UBXN7: variants seen among roughly 807,000 people sequenced by gnomAD.
The protein encoded by UBXN7 is UBX domain-containing protein 7.
A neutral mutation model predicts 58.0 loss-of-function variants in UBXN7; 9 were observed. That is an observed-to-expected ratio of 0.16 (90% CI 0.09 to 0.27). UBXN7 has a LOEUF of 0.27. Among genes scored for constraint, UBXN7 ranks in the 10% least tolerant of loss-of-function variants. The pLI, the probability that UBXN7 is intolerant of heterozygous loss-of-function variation, is 1.00. For missense variants in UBXN7, 328 were observed against 599.6 expected, an observed-to-expected ratio of 0.55 and a Z score of 4.73; for synonymous variants, 208 against 205.0, an observed-to-expected ratio of 1.01 and a Z score of -0.12.
chr3:196,370,857 C>CAAA (rs11347018), intron 6 of UBXN7, among the ~76,000 whole-genome samples: 20 of 86,192 alleles, frequency 2.3e-4, no homozygotes, highest in African/African-American at 2.8e-4. Context: ...CCCATCTCTA[C>CAAA]AAAAAAAAAA....
intron 8 of UBXN7, among the ~76,000 whole-genome samples, chr3:196,367,205 C>G (rs992543466): frequency 6.6e-5 from 10 of 150,918 alleles, no homozygotes; most frequent in African/African-American, 2.4e-4. Context: ...AAAAAAAAAC[C>G]AACAAAACAA....
At chr3:196,389,808 A>G (rs1385001176) in intron 5 of UBXN7, among the ~76,000 whole-genome samples, 1 of 152,262 alleles carries the variant, frequency 6.6e-6, no homozygotes. Context: ...ACACAAGCTT[A>G]CATTGAAATT....
intron 10 of UBXN7, among the ~76,000 whole-genome samples, chr3:196,359,694 C>T (rs1728453450): frequency 6.6e-6 from 1 of 152,112 alleles, no homozygotes; most frequent in African/African-American, 2.4e-5. Flanking sequence ...CACCTGAGGT[C>T]AGGAGTTCGA....
intron 1 of UBXN7, among the ~76,000 whole-genome samples, chr3:196,409,704 C>A (rs1730264422): frequency 6.6e-6 from 1 of 152,108 alleles, no homozygotes; most frequent in African/African-American, 2.4e-5. Context: ...ATCCCCTCCC[C>A]ACTGCCAAGG....
chr3:196,362,283 A>G lies in UBXN7; in HGVS notation c.1228+11T>C. The G allele has an allele frequency of 6.3e-7, 1 of 1,579,772 alleles. No homozygotes were observed. The highest frequency in any genetic ancestry group is 8.6e-7 in the Non-Finnish European group (1 of 1,165,736). ...TAAGTTTGAAGTAAAGTATGTCTAA[A>G]TGTAACTTACCATTTACATCTATCC... On this transcript the variant is annotated intron_variant, in intron 9 of 10. Coordinates refer to ENST00000296328, the MANE Select transcript of UBXN7 (RefSeq NM_015562.2).
intron 1 of UBXN7, among the ~76,000 whole-genome samples, chr3:196,427,338 G>C (rs1577483487): frequency 6.6e-6 from 1 of 152,186 alleles, no homozygotes; most frequent in African/African-American, 2.4e-5. Flanking sequence ...TAAAATTGGA[G>C]ACAGAGTCTC....
At chr3:196,411,957 G>A (rs1260320065) in intron 1 of UBXN7, among the ~76,000 whole-genome samples, 3 of 152,050 alleles carry the variant, frequency 2.0e-5, no homozygotes, top group Non-Finnish European at 4.4e-5. Context: ...GGCCAGGTGC[G>A]GTGGCTCATG....
chr3:196,417,829 G>A (rs1730549807), intron 1 of UBXN7, among the ~76,000 whole-genome samples: 1 of 151,118 alleles, frequency 6.6e-6, no homozygotes, highest in African/African-American at 2.4e-5. Context: ...GGAGGCTGAG[G>A]TGGAAGGATT....
At position 196,414,284 on chromosome 3, in the gene UBXN7, C is replaced by T. The variant is rs186705262; in HGVS notation, c.74-6891G>A. ...ATTTACAGGCATACGCCACTGCACCCGGCCTTTTCCCTGAATATTTTCAAT... is the reference window on the plus strand; with the variant it reads ...ATTTACAGGCATACGCCACTGCACCTGGCCTTTTCCCTGAATATTTTCAAT... On this transcript the variant is annotated intron_variant, in intron 1 of 10. Coordinates refer to ENST00000296328, the MANE Select transcript of UBXN7 (RefSeq NM_015562.2). Among the ~76,000 whole-genome samples, 537 of 152,260 alleles carry T rather than the reference C, an allele frequency of 3.5e-3. 1 individual carries two copies. Among genetic ancestry groups the T allele is most frequent in the African/African-American group, 0.012 (505 of 41,550 alleles).
intron 10 of UBXN7, among the ~76,000 whole-genome samples, chr3:196,357,498 G>A (rs538644035): frequency 2.5e-4 from 38 of 152,296 alleles, no homozygotes; most frequent in African/African-American, 9.1e-4. Context: ...GGGTGTCGGG[G>A]CACGGTTGCT....
At chr3:196,421,598 C>T (rs1053382925) in intron 1 of UBXN7, among the ~76,000 whole-genome samples, 1 of 151,478 alleles carries the variant, frequency 6.6e-6, no homozygotes, top group Non-Finnish European at 1.5e-5. Context: ...GGTGAAACCC[C>T]CCCCCAGTCT....
chr3:196,356,191 C>T lies in UBXN7; in HGVS notation c.*494G>A, dbSNP rs1728342188. ...CGACATTTCCACATGAAGAACACAA[C>T]AAAACCAAACCCATGTTAGAGAATT... On this transcript the variant is annotated 3_prime_UTR_variant, in exon 11 of 11. Transcript: ENST00000296328. The T allele has an allele frequency of 6.5e-6, 1 of 152,746 alleles. No homozygotes were observed. The highest frequency in any genetic ancestry group is 2.1e-4 in the South Asian group (1 of 4,832). The allele number at this position is 152,746 out of a possible 1,614,324, so 9.5% of individuals were successfully genotyped here. A position where few individuals can be genotyped will look rare whatever the true frequency, so the allele number is the denominator to read the frequency against.
intron 2 of UBXN7, among the ~76,000 whole-genome samples, chr3:196,405,268 G>A (rs993192027): frequency 3.2e-4 from 48 of 151,760 alleles, no homozygotes; most frequent in Admixed American, 2.0e-4. Context: ...TCAGGAAATC[G>A]GGACCATCCT....
intron 10 of UBXN7, among the ~76,000 whole-genome samples, 183 bp downstream of exon 10, chr3:196,361,661 C>A (rs1728508253): frequency 6.6e-6 from 1 of 152,186 alleles, no homozygotes; most frequent in South Asian, 2.1e-4. Flanking sequence ...GGATCATTAG[C>A]ACTTTTTAGC....
At chr3:196,431,244 C>G (rs948714020) in intron 1 of UBXN7, 1 of 152,152 alleles carries the variant, frequency 6.6e-6, no homozygotes, top group East Asian at 1.9e-4. Context: ...AACATTCTGA[C>G]CTCCTTCCAA....
chr3:196,399,261 T>C (rs778102346), intron 3 of UBXN7, among the ~76,000 whole-genome samples: 2 of 152,232 alleles, frequency 1.3e-5, no homozygotes, highest in African/African-American at 4.8e-5. Flanking sequence ...ATCATTTTTA[T>C]TGCTTCATCA....
At chr3:196,384,404 T>C (rs1390489893) in intron 5 of UBXN7, among the ~76,000 whole-genome samples, 2 of 152,190 alleles carry the variant, frequency 1.3e-5, no homozygotes, top group African/African-American at 4.8e-5. Context: ...CTTCTGAAAC[T>C]ATTCCAATCA....
At chr3:196,401,671 G>A (rs1369787073) in intron 3 of UBXN7, among the ~76,000 whole-genome samples, 5 of 149,232 alleles carry the variant, frequency 3.4e-5, no homozygotes, top group Admixed American at 6.8e-5. Flanking sequence ...GCTCGCTCCC[G>A]TAATCCCAGC....
chr3:196,398,193 C>T (rs1729836125), intron 3 of UBXN7, among the ~76,000 whole-genome samples: 1 of 152,208 alleles, frequency 6.6e-6, no homozygotes, highest in Admixed American at 6.5e-5. Flanking sequence ...AGATCCTCCT[C>T]CATTCAGGCT....
Sources: allele counts gnomAD v4.1 joint callset (sites outside exome capture counted in the v4.1 genomes callset), GRCh38; gene constraint gnomAD v4.1.1; transcripts MANE v1.5; gene names NCBI Gene and HGNC (gene_info 2026-07-23, HGNC 2026-07-21).